The following ANO1 variants were observed in gnomAD, a reference collection of about 807,000 sequenced individuals.
ANO1 encodes anoctamin-1.
A neutral mutation model predicts 124.0 loss-of-function variants in ANO1; 59 were observed. That is an observed-to-expected ratio of 0.48 (90% CI 0.39 to 0.59). The LOEUF (loss-of-function observed/expected upper bound fraction) is 0.59. Among genes scored for constraint, ANO1 ranks in the 20% least tolerant of loss-of-function variants. The pLI is 0.00. For synonymous variants in ANO1, 529 were observed against 532.0 expected (o/e 0.99, Z 0.08); for missense variants, 1,059 against 1,328.0 (o/e 0.80, Z 3.15).
At chr11:70,166,312 C>T (rs568162493) in intron 20 of ANO1, among the ~76,000 whole-genome samples, 3 of 151,918 alleles carry the variant, frequency 2.0e-5, no homozygotes, top group Non-Finnish European at 4.4e-5. Context: ...ACCGAGACTC[C>T]GTCTCAAAAA....
intron 1 of ANO1, among the ~76,000 whole-genome samples, chr11:69,992,730 G>T (rs1554997743): frequency 6.6e-6 from 1 of 152,176 alleles, no homozygotes; most frequent in Non-Finnish European, 1.5e-5. Context: ...GGAGAGGCTG[G>T]ACTGTTTGGT....
intron 1 of ANO1, chr11:69,986,288 AC>A: frequency 6.6e-6 from 1 of 151,452 alleles, no homozygotes; most frequent in Non-Finnish European, 1.5e-5. Context: ...GGAGGCAGGG[AC>A]CCCCACCTCT....
At chr11:69,981,408 C>T (rs1855958523), upstream of ANO1, among the ~76,000 whole-genome samples, 2 of 152,226 alleles carry the variant, frequency 1.3e-5, no homozygotes, top group African/African-American at 4.8e-5. Flanking sequence ...TTATTAAGCG[C>T]TTGGAACGGG....
intron 1 of ANO1, among the ~76,000 whole-genome samples, chr11:70,024,547 T>C (rs1269771647): frequency 1.3e-5 from 2 of 152,096 alleles, no homozygotes; most frequent in Admixed American, 6.5e-5. Flanking sequence ...CTTGGCACTG[T>C]GCCAAGGGCT....
intron 22 of ANO1, among the ~76,000 whole-genome samples, chr11:70,171,531 T>C (rs920492602): frequency 2.6e-5 from 4 of 152,172 alleles, no homozygotes; most frequent in Non-Finnish European, 4.4e-5. Context: ...GGAAGAACAG[T>C]CCCAGTCATT....
intron 18 of ANO1, 80 bp from the exon 19 acceptor site, chr11:70,163,203 C>A: frequency 6.7e-7 from 1 of 1,482,076 alleles, no homozygotes; most frequent in Non-Finnish European, 9.2e-7. Flanking sequence ...TCACACGCTG[C>A]ACAGTCCCCA....
chr11:69,977,151 AAG>A, the ANO1 span, among the ~76,000 whole-genome samples: 5 of 152,310 alleles, frequency 3.3e-5, no homozygotes, highest in South Asian at 1.0e-3. Flanking sequence ...GTGAAATTAA[AAG>A]AGGGGGGGAC....
At chr11:70,082,427 G>T (rs1280120510) in intron 1 of ANO1, among the ~76,000 whole-genome samples, 4 of 152,200 alleles carry the variant, frequency 2.6e-5, no homozygotes, top group African/African-American at 4.8e-5. Flanking sequence ...AGGCATGGTG[G>T]TATGCACCTG....
intron 1 of ANO1, among the ~76,000 whole-genome samples, chr11:69,994,648 T>C (rs1287370947): frequency 1.3e-5 from 2 of 152,188 alleles, no homozygotes; most frequent in African/African-American, 4.8e-5. Context: ...ATTTGTCAAA[T>C]GCAAACAAGA....
At chr11:70,149,094 T>TA (rs781178147) in intron 11 of ANO1, among the ~76,000 whole-genome samples, 144 of 152,230 alleles carry the variant, frequency 9.5e-4, no homozygotes, top group Non-Finnish European at 1.7e-3. Context: ...CCCTCGTTCC[T>TA]CCTGACCTCC....
chr11:70,161,820 A>C, intron 18 of ANO1, 87 bp downstream of exon 18: 1 of 1,329,374 alleles, frequency 7.5e-7, no homozygotes, highest in Non-Finnish European at 1.1e-6. Context: ...GGGCACCTGG[A>C]GCCCAGGGCA....
intron 1 of ANO1, among the ~76,000 whole-genome samples, chr11:70,010,193 A>ATATATATATATATATATATATATT (rs1856576541): frequency 7.4e-6 from 1 of 135,570 alleles, no homozygotes; most frequent in Non-Finnish European, 1.6e-5. Context: ...ATATATATAT[A>ATATATATATATATATATATATATT]TATATCACAT....
chr11:70,042,092 G>GT (rs145185049), intron 1 of ANO1, among the ~76,000 whole-genome samples: 14,400 of 152,058 alleles, frequency 0.095, 1,060 homozygotes, highest in East Asian at 0.39. Context: ...CTCGATGGTC[G>GT]TAAGAACACA....
intron 6 of ANO1, 87 bp downstream of exon 6, chr11:70,108,491 C>A (rs1429411433): frequency 6.9e-6 from 10 of 1,449,148 alleles, no homozygotes; most frequent in Admixed American, 1.7e-5. Flanking sequence ...GGCAGGCAGC[C>A]GGCTTGGGGT....
intron 11 of ANO1, among the ~76,000 whole-genome samples, chr11:70,135,307 A>G (rs997430538): frequency 3.3e-5 from 5 of 152,202 alleles, no homozygotes; most frequent in African/African-American, 1.2e-4. Flanking sequence ...GATTATTCCA[A>G]AGGACTCCAC....
intron 1 of ANO1, among the ~76,000 whole-genome samples, chr11:70,056,830 CTTT>C (rs200523204): frequency 0.16 from 22,131 of 140,310 alleles, 1,774 homozygotes; most frequent in East Asian, 0.24. Context: ...TGTTTTACAT[CTTT>C]TTTTTTTTTT....
At chr11:70,021,303 G>A (rs1268739554) in intron 1 of ANO1, among the ~76,000 whole-genome samples, 3 of 152,148 alleles carry the variant, frequency 2.0e-5, no homozygotes, top group Non-Finnish European at 2.9e-5. Context: ...AAATGCCAAC[G>A]TGCTCACTGA....
chr11:70,023,324 A>T (rs528900936), intron 1 of ANO1, among the ~76,000 whole-genome samples: 1 of 152,190 alleles, frequency 6.6e-6, no homozygotes, highest in Non-Finnish European at 1.5e-5. Context: ...ATGGCCATGT[A>T]TAAGTCAGAC....
chr11:70,136,114 C>A (rs2046946485), intron 11 of ANO1, among the ~76,000 whole-genome samples: 2 of 152,328 alleles, frequency 1.3e-5, no homozygotes, highest in South Asian at 4.1e-4. Context: ...TGGGGAGAAA[C>A]CCTCAAGGGT....
Sources: gnomAD v4.1 joint callset for allele counts (sites outside exome capture counted in the v4.1 genomes callset) on GRCh38, gnomAD v4.1.1 for gene constraint, MANE v1.5 for transcripts, NCBI Gene and HGNC (gene_info 2026-07-23, HGNC 2026-07-21) for gene names.